The following EPB41L4A variants were observed in gnomAD, a reference collection of about 807,000 sequenced individuals.
The protein encoded by EPB41L4A is erythrocyte membrane protein band 4.1 like 4A.
In EPB41L4A, 100 loss-of-function variants were observed where a neutral mutation model predicts 108.6. That is an observed-to-expected ratio of 0.92 (90% CI 0.78 to 1.09). EPB41L4A has a LOEUF of 1.09. Ranked by LOEUF, EPB41L4A falls within the 50% of genes least tolerant of loss-of-function variation. The pLI, the probability that EPB41L4A is intolerant of heterozygous loss-of-function variation, is 0.00. For missense variants in EPB41L4A, 1,030 were observed against 842.7 expected, an observed-to-expected ratio of 1.22 and a Z score of -2.75; for synonymous variants, 319 against 289.0, an observed-to-expected ratio of 1.10 and a Z score of -1.05.
chr5:112,186,513 A>G lies in EPB41L4A; in HGVS notation c.1503-2378T>C, dbSNP rs544735726. On this transcript the variant is annotated intron_variant, in intron 17 of 22. Transcript: ENST00000261486. ...GTACCTTTACCTTTTTTTCTAACTG[A>G]AAAGTCTAAAGTGAGGGCAGTGAAA... 3.9e-5 allele frequency among the ~76,000 whole-genome samples: 6 copies of G among 152,328 alleles called. No homozygotes were observed. In the East Asian group the frequency reaches 1.2e-3, roughly 29 times the overall value.
At position 112,234,733 on chromosome 5, in the gene EPB41L4A, T is replaced by C; in HGVS notation, c.988A>G (p.Ser330Gly). ...RYSGRTALQMSRDLSIQLPRP... is the reference protein window; with the variant it reads ...RYSGRTALQMGRDLSIQLPRP... ...GGAAGCTGAATAGAAAGATCTCGGC[T>C]CATTTGCAAAGCTGTCCTGCCACTT... Residue 330 changes from serine to glycine, a missense_variant, in exon 12 of 23, where the codon AGC becomes GGC. Physicochemically the swap from Ser to Gly is moderately conservative, Grantham distance 56. Coordinates refer to ENST00000261486, the MANE Select transcript of EPB41L4A (RefSeq NM_022140.5). 2 of 1,611,710 alleles carry C rather than the reference T, an allele frequency of 1.2e-6. No homozygotes were observed. Among genetic ancestry groups the C allele is most frequent in the Non-Finnish European group, 1.7e-6 (2 of 1,178,370 alleles).
chr5:112,256,437 A>G (rs1367277415), intron 9 of EPB41L4A, among the ~76,000 whole-genome samples: 4 of 152,192 alleles, frequency 2.6e-5, no homozygotes, highest in Non-Finnish European at 5.9e-5. Context: ...TATACCTATA[A>G]AAATTTATGA....
In EPB41L4A at chr5:112,404,365, G is replaced by C. The variant is rs542002451; in HGVS notation, c.99+14576C>G. ...ACTGATGACAAAACTCAGGCACAGA[G>C]TTAACTTGCCAACAGTGAGTAAATG... On this transcript the variant is annotated intron_variant, in intron 1 of 22. Transcript: ENST00000261486. Among the ~76,000 whole-genome samples, 31 of 152,300 alleles carry C rather than the reference G, an allele frequency of 2.0e-4. No individual in the cohort carries two copies. In the South Asian group the frequency reaches 5.2e-3, roughly 25 times the overall value.
At chr5:112,198,811 T>G (rs184229527) in intron 15 of EPB41L4A, among the ~76,000 whole-genome samples, 1 of 152,140 alleles carries the variant, frequency 6.6e-6, no homozygotes, top group African/African-American at 2.4e-5. Flanking sequence ...CTTACCTTTG[T>G]ATTGATAGAA....
At position 112,396,980 on chromosome 5, in the gene EPB41L4A, A is replaced by C. The variant is rs1761396632; in HGVS notation, c.99+21961T>G. On this transcript the variant is annotated intron_variant, in intron 1 of 22. Transcript: ENST00000261486. ...TTCAGTAGGTACATGTGCATGTTTG[A>C]TTCATGGGTATATTGCATACCCATG... Among the ~76,000 whole-genome samples the C allele has an allele frequency of 2.6e-5, 4 of 152,188 alleles. No homozygotes were observed. The South Asian group carries it at 8.3e-4, about 32-fold the overall frequency.
At chr5:112,227,069 A>G (rs1442176976) in intron 12 of EPB41L4A, among the ~76,000 whole-genome samples, 1 of 151,884 alleles carries the variant, frequency 6.6e-6, no homozygotes, top group African/African-American at 2.4e-5. Context: ...TGATCCTGAT[A>G]CTGCTCCCAA....
At chr5:112,307,709 C>T (rs12187850) in intron 1 of EPB41L4A, among the ~76,000 whole-genome samples, 32,946 of 151,954 alleles carry the variant, frequency 0.22, 5,167 homozygotes, top group African/African-American at 0.44. Flanking sequence ...TTTTAAATCG[C>T]AGTGGGTTTT....
At chr5:112,355,594 A>T (rs1228083530) in intron 1 of EPB41L4A, among the ~76,000 whole-genome samples, 1 of 152,152 alleles carries the variant, frequency 6.6e-6, no homozygotes, top group East Asian at 1.9e-4. Flanking sequence ...GACCACTAAG[A>T]ATGTGGAAAA....
At chr5:112,354,288 T>A (rs932799585) in intron 1 of EPB41L4A, among the ~76,000 whole-genome samples, 1 of 152,174 alleles carries the variant, frequency 6.6e-6, no homozygotes, top group African/African-American at 2.4e-5. Context: ...AAACAATGGG[T>A]ATGACTCGCC....
chr5:112,416,683 AG>A (rs1762735659), intron 1 of EPB41L4A, among the ~76,000 whole-genome samples: 1 of 152,212 alleles, frequency 6.6e-6, no homozygotes, highest in Non-Finnish European at 1.5e-5. Context: ...TACAAACTAA[AG>A]TAGGAGTTAA....
At chr5:112,411,873 A>G (rs1185885330) in intron 1 of EPB41L4A, among the ~76,000 whole-genome samples, 2 of 152,192 alleles carry the variant, frequency 1.3e-5, no homozygotes, top group African/African-American at 2.4e-5. Flanking sequence ...TCTCAAACAC[A>G]GGTCTGATGA....
upstream of EPB41L4A, chr5:112,419,327 C>T: frequency 2.9e-6 from 1 of 350,832 alleles, no homozygotes; most frequent in South Asian, 3.0e-5. Context: ...GCTCGAGCTC[C>T]TCCGAAGGCG....
intron 2 of EPB41L4A, among the ~76,000 whole-genome samples, chr5:112,288,364 A>C (rs1753419504): frequency 6.6e-6 from 1 of 152,230 alleles, no homozygotes; most frequent in South Asian, 2.1e-4. Context: ...AGGGACAGAG[A>C]TACTACAAAC....
rs181862771 is a variant in EPB41L4A at position 112,257,285 on chromosome 5, C to T, written c.795+1944G>A. ...ACTAAATGAATGTGATACTTAACAG[C>T]AATAAAAAAAAACCTTTAATTCAAG... On this transcript the variant is annotated intron_variant, in intron 9 of 22. Transcript: ENST00000261486. The T allele has an allele frequency of 8.5e-5, 13 of 152,062 alleles. No individual in the cohort carries two copies. The East Asian group carries it at 2.5e-3, about 29-fold the overall frequency. 9.4% of individuals were successfully genotyped at this position (152,062 alleles called of 1,614,324 possible). A position where few individuals can be genotyped will look rare whatever the true frequency, so the allele number is the denominator to read the frequency against.
chr5:112,274,041 C>A (rs904178596), intron 4 of EPB41L4A, among the ~76,000 whole-genome samples: 6 of 151,920 alleles, frequency 3.9e-5, no homozygotes, highest in Non-Finnish European at 7.4e-5. Flanking sequence ...GTAATCCCAG[C>A]ACTCTGGGAG....
Position 112,307,708 on chromosome 5 carries a change from G to A in EPB41L4A, c.100-218C>T, listed in dbSNP as rs768179088. Among the ~76,000 whole-genome samples the A allele has an allele frequency of 1.0e-4, 15 of 150,158 alleles. No individual in the cohort carries two copies. The East Asian group carries it at 2.1e-3, about 21-fold the overall frequency. ...TGCTTTGGAAAATACTTTTTAAATC[G>A]CAGTGGGTTTTAAATTAATATAAGC... On this transcript the variant is annotated intron_variant, in intron 1 of 22. Transcript: ENST00000261486.
Position 112,356,572 on chromosome 5 carries a change from A to G in EPB41L4A, c.100-49082T>C, listed in dbSNP as rs546674578. 4.6e-5 allele frequency among the ~76,000 whole-genome samples: 7 copies of G among 152,344 alleles called. No homozygotes were observed. In the East Asian group the frequency reaches 1.3e-3, roughly 29 times the overall value. ...GAAACATAAGAAAACATCTGCTTTTATTTCAAAAGATCAAAAATACACTTC... is the reference window on the plus strand; with the variant it reads ...GAAACATAAGAAAACATCTGCTTTTGTTTCAAAAGATCAAAAATACACTTC... On this transcript the variant is annotated intron_variant, in intron 1 of 22. Transcript: ENST00000261486.
At position 112,387,607 on chromosome 5, in the gene EPB41L4A, A is replaced by C. The variant is rs192392756; in HGVS notation, c.99+31334T>G. Among the ~76,000 whole-genome samples the C allele has an allele frequency of 4.6e-3, 694 of 152,286 alleles. 15 individuals are homozygous for C. Among genetic ancestry groups the C allele is most frequent in the African/African-American group, 0.016 (663 of 41,562 alleles). On this transcript the variant is annotated intron_variant, in intron 1 of 22. Transcript: ENST00000261486. ...TCATGCCACTGCACTCCAGCCTGGG[A>C]GACAGAAAGATTTTCATATCAGGCA...
chr5:112,418,894 A>C (rs1580874143), intron 1 of EPB41L4A, 47 bp downstream of exon 1: 3 of 1,491,612 alleles, frequency 2.0e-6, no homozygotes, highest in Non-Finnish European at 2.8e-6. Flanking sequence ...GGACCCCCGC[A>C]CCCGCCCTGC....
Sources: allele counts gnomAD v4.1 joint callset (sites outside exome capture counted in the v4.1 genomes callset), GRCh38; gene constraint gnomAD v4.1.1; transcripts MANE v1.5; gene names NCBI Gene and HGNC (gene_info 2026-07-23, HGNC 2026-07-21).